ZHX3: variants seen among roughly 807,000 people sequenced by gnomAD.
ZHX3 encodes zinc fingers and homeoboxes protein 3.
ZHX3 carries 20 observed loss-of-function variants against 64.5 expected under a neutral mutation model. That is an observed-to-expected ratio of 0.31 (90% CI 0.22 to 0.45). The LOEUF (loss-of-function observed/expected upper bound fraction) is 0.45, where lower values mean the gene tolerates loss of function less well. Ranked by LOEUF, ZHX3 falls within the 20% of genes least tolerant of loss-of-function variation. The pLI is 1.00. For missense variants in ZHX3, 1,041 were observed against 1,195.8 expected, an observed-to-expected ratio of 0.87 and a Z score of 1.91; for synonymous variants, 423 against 461.6, an observed-to-expected ratio of 0.92 and a Z score of 1.07.
Position 41,226,155 on chromosome 20 carries a change from T to C in ZHX3, c.-150-21089A>G, listed in dbSNP as rs1489337100. Among the ~76,000 whole-genome samples, 1 of 152,024 alleles carries C rather than the reference T, an allele frequency of 6.6e-6. No individual in the cohort carries two copies. Among genetic ancestry groups the C allele is most frequent in the African/African-American group, 2.4e-5 (1 of 41,402 alleles). ...GCTCACACCTGTAATCCCAGCACTT[T>C]GGGAGGCCGAGGCGGGTGGATCATG... On this transcript the variant is annotated intron_variant, in intron 2 of 3. Coordinates refer to ENST00000683867, the MANE Select transcript of ZHX3 (RefSeq NM_001384317.1). This position sits in a 1 kb window ranked among gnomAD's most constrained non-coding sequence, Gnocchi z 4.4.
intron 3 of ZHX3, among the ~76,000 whole-genome samples, chr20:41,187,012 T>G (rs1415735958): frequency 6.6e-6 from 1 of 152,166 alleles, no homozygotes; most frequent in Non-Finnish European, 1.5e-5. Flanking sequence ...GCCTATGCTT[T>G]GAGTGTCATA....
intron 1 of ZHX3, among the ~76,000 whole-genome samples, chr20:41,313,560 G>A (rs2045203138): frequency 6.9e-6 from 1 of 144,308 alleles, no homozygotes; most frequent in Non-Finnish European, 1.5e-5. Flanking sequence ...TGTGGAACAA[G>A]TAAAAATAAA....
intron 1 of ZHX3, among the ~76,000 whole-genome samples, chr20:41,300,837 A>AG: frequency 6.6e-6 from 1 of 152,196 alleles, no homozygotes; most frequent in Non-Finnish European, 1.5e-5. Context: ...GGGACCAGAA[A>AG]GGGGCCACAG....
chr20:41,231,049 C>G (rs1287731338), intron 2 of ZHX3, among the ~76,000 whole-genome samples: 1 of 152,198 alleles, frequency 6.6e-6, no homozygotes, highest in Non-Finnish European at 1.5e-5. Flanking sequence ...TAACTCCTGG[C>G]AACCACTGAT....
At chr20:41,225,778 G>A (rs1008821201) in intron 2 of ZHX3, among the ~76,000 whole-genome samples, 8 of 152,118 alleles carry the variant, frequency 5.3e-5, no homozygotes, top group Admixed American at 1.3e-4. Flanking sequence ...GTGAACCACC[G>A]CACCCAGACT....
At chr20:41,280,234 C>T (rs1475045432) in intron 1 of ZHX3, among the ~76,000 whole-genome samples, 4 of 152,194 alleles carry the variant, frequency 2.6e-5, no homozygotes. Flanking sequence ...ACAGTTACCA[C>T]TCGGATCACA....
intron 2 of ZHX3, among the ~76,000 whole-genome samples, chr20:41,248,891 C>T (rs1180330746): frequency 6.6e-6 from 1 of 152,084 alleles, no homozygotes; most frequent in Non-Finnish European, 1.5e-5. Context: ...GCAAAAGACC[C>T]AAGTCAATTT....
intron 2 of ZHX3, among the ~76,000 whole-genome samples, chr20:41,251,357 G>C (rs1183505525): frequency 6.6e-6 from 1 of 152,010 alleles, no homozygotes; most frequent in African/African-American, 2.4e-5. Flanking sequence ...CACTCAAAGT[G>C]GTAAAATACT....
intron 2 of ZHX3, among the ~76,000 whole-genome samples, chr20:41,210,368 A>T (rs2039065017): frequency 6.6e-6 from 1 of 152,224 alleles, no homozygotes; most frequent in African/African-American, 2.4e-5. Flanking sequence ...AAGGATTATA[A>T]ATCATGCTGC....
chr20:41,287,454 T>C (rs2043993249), intron 1 of ZHX3, among the ~76,000 whole-genome samples: 1 of 152,218 alleles, frequency 6.6e-6, no homozygotes, highest in Non-Finnish European at 1.5e-5. Flanking sequence ...TTGTGAAACC[T>C]CATCTCCTTG....
intron 1 of ZHX3, among the ~76,000 whole-genome samples, chr20:41,286,904 C>A (rs2043964603): frequency 6.6e-6 from 1 of 151,856 alleles, no homozygotes; most frequent in African/African-American, 2.4e-5. Flanking sequence ...GTGGCAGTTT[C>A]CCCTGAGCTC....
Position 41,201,961 on chromosome 20 carries a change from C to T in ZHX3, c.2860+96G>A. 4.9e-6 allele frequency: 7 copies of T among 1,427,328 alleles called. No individual in the cohort carries two copies. The highest frequency in any genetic ancestry group is 6.5e-6 in the Non-Finnish European group (7 of 1,080,258). 88.4% of individuals were successfully genotyped at this position (1,427,328 alleles called of 1,614,324 possible). A position where few individuals can be genotyped will look rare whatever the true frequency, so the allele number is the denominator to read the frequency against. On this transcript the variant is annotated intron_variant, in intron 3 of 3. Transcript: ENST00000683867. This position sits in a 1 kb window ranked among gnomAD's most constrained non-coding sequence, Gnocchi z 5.0. ...TGCTGCTGCCAGGCAGCCTTAGAGA[C>T]AGCAGATGCCCCTGTGCAGTAAATT...
intron 1 of ZHX3, among the ~76,000 whole-genome samples, chr20:41,284,960 C>T (rs187529511): frequency 3.3e-5 from 5 of 152,240 alleles, no homozygotes; most frequent in African/African-American, 9.6e-5. Context: ...ACCTTTCTTC[C>T]TCCATATACT....
chr20:41,201,454 T>C lies in ZHX3; in HGVS notation c.2860+603A>G. The C allele has an allele frequency of 8.5e-7, 1 of 1,175,862 alleles. No individual in the cohort carries two copies. The highest frequency in any genetic ancestry group is 5.7e-5 in the East Asian group (1 of 17,406). 72.8% of individuals were successfully genotyped at this position (1,175,862 alleles called of 1,614,324 possible). On this transcript the variant is annotated intron_variant, in intron 3 of 3. Coordinates refer to ENST00000683867, the MANE Select transcript of ZHX3 (RefSeq NM_001384317.1). This position sits in a 1 kb window ranked among gnomAD's most constrained non-coding sequence, Gnocchi z 5.0. ...AACTATGTCTTAAATAAAAATAATCTTCTATGATACATTTTGCTTTCGAGT... is the reference window on the plus strand; with the variant it reads ...AACTATGTCTTAAATAAAAATAATCCTCTATGATACATTTTGCTTTCGAGT...
chr20:41,244,618 T>G (rs2041582395), intron 2 of ZHX3, among the ~76,000 whole-genome samples: 1 of 152,206 alleles, frequency 6.6e-6, no homozygotes, highest in South Asian at 2.1e-4. Context: ...AGGACATTTA[T>G]AAGTGGAGAG....
intron 2 of ZHX3, among the ~76,000 whole-genome samples, chr20:41,256,818 T>C (rs2042278769): frequency 6.6e-6 from 1 of 151,862 alleles, no homozygotes; most frequent in Non-Finnish European, 1.5e-5. Context: ...ATAAAACCCT[T>C]AGCTTTTGCC....
intron 1 of ZHX3, among the ~76,000 whole-genome samples, chr20:41,312,099 AC>A (rs1351530837): frequency 6.6e-6 from 1 of 152,154 alleles, no homozygotes; most frequent in Non-Finnish European, 1.5e-5. Flanking sequence ...TCGAGTGGGG[AC>A]TTGGAGAACT....
At chr20:41,260,441 T>C (rs568547965) in intron 2 of ZHX3, among the ~76,000 whole-genome samples, 2 of 152,328 alleles carry the variant, frequency 1.3e-5, no homozygotes, top group East Asian at 3.9e-4. Flanking sequence ...ATGGGGTAGA[T>C]GAGGTCACAT....
intron 1 of ZHX3, among the ~76,000 whole-genome samples, chr20:41,313,755 A>G (rs1446497781): frequency 2.6e-5 from 4 of 151,902 alleles, no homozygotes; most frequent in African/African-American, 4.8e-5. Context: ...CCGCCAACAC[A>G]CCTGGCTAAT....
Sources: allele counts gnomAD v4.1 joint callset (sites outside exome capture counted in the v4.1 genomes callset), GRCh38; gene constraint gnomAD v4.1.1; non-coding constraint Gnocchi (gnomAD v3.1); transcripts MANE v1.5; gene names NCBI Gene and HGNC (gene_info 2026-07-23, HGNC 2026-07-21).